Variants in FUT9 observed in about 807,000 individuals in gnomAD.
The protein encoded by FUT9 is 4-galactosyl-N-acetylglucosaminide 3-alpha-L-fucosyltransferase 9.
FUT9 carries 15 observed loss-of-function variants against 29.7 expected under a neutral mutation model. The ratio of observed to expected loss-of-function variants is 0.51; its 90% confidence interval spans 0.34 to 0.78. FUT9 has a LOEUF of 0.78. Among genes scored for constraint, FUT9 ranks in the 30% least tolerant of loss-of-function variants. The probability of loss-of-function intolerance (pLI) is 0.01; values close to 1 mark genes in which losing one functional copy is unlikely to be tolerated. For missense variants in FUT9, 319 were observed against 425.4 expected, an observed-to-expected ratio of 0.75 and a Z score of 2.20; for synonymous variants, 169 against 153.7, an observed-to-expected ratio of 1.10 and a Z score of -0.74.
At chr6:96,106,349 G>A (rs914208122) in intron 1 of FUT9, among the ~76,000 whole-genome samples, 45 of 151,888 alleles carry the variant, frequency 3.0e-4, no homozygotes, top group African/African-American at 1.0e-3. Context: ...TTATCTTGAC[G>A]TCATTTAACA....
intron 2 of FUT9, among the ~76,000 whole-genome samples, chr6:96,133,544 C>T (rs4565310): frequency 0.72 from 109,756 of 151,726 alleles, 41,232 homozygotes; most frequent in East Asian, 0.9. Context: ...ATTATTTAAC[C>T]ACACTAGGTT....
chr6:96,195,843 T>TATTTC (rs1773614838), intron 2 of FUT9, among the ~76,000 whole-genome samples: 1 of 152,172 alleles, frequency 6.6e-6, no homozygotes, highest in African/African-American at 2.4e-5. Context: ...CAGAATCCTG[T>TATTTC]ACTAATACTA....
At chr6:96,196,310 T>G (rs1773623343) in intron 2 of FUT9, among the ~76,000 whole-genome samples, 1 of 152,170 alleles carries the variant, frequency 6.6e-6, no homozygotes, top group Non-Finnish European at 1.5e-5. Flanking sequence ...CCTTCAGAAT[T>G]AAGACTCGAA....
At chr6:96,118,204 CAAAA>C (rs71012538) in intron 2 of FUT9, among the ~76,000 whole-genome samples, 86,985 of 136,828 alleles carry the variant, frequency 0.64, 27,659 homozygotes, top group East Asian at 0.8. Flanking sequence ...GAGTCTGTCT[CAAAA>C]AAAAAAAAAA....
At chr6:96,037,197 A>T (rs1362191976) in intron 1 of FUT9, 1 of 151,992 alleles carries the variant, frequency 6.6e-6, no homozygotes, top group African/African-American at 2.4e-5. Flanking sequence ...GAGGCTTATG[A>T]AGACCTAATT....
At chr6:96,090,644 A>C (rs975500848) in intron 1 of FUT9, among the ~76,000 whole-genome samples, 1 of 151,976 alleles carries the variant, frequency 6.6e-6, no homozygotes, top group African/African-American at 2.4e-5. Flanking sequence ...AAAGCAAAAT[A>C]AACAATATTA....
chr6:96,130,892 C>G (rs1232864641), intron 2 of FUT9, among the ~76,000 whole-genome samples: 1 of 152,150 alleles, frequency 6.6e-6, no homozygotes, highest in Admixed American at 6.6e-5. Context: ...TATTTCTGAA[C>G]TCAAGTTATT....
At chr6:96,101,870 C>T (rs1353887781) in intron 1 of FUT9, among the ~76,000 whole-genome samples, 1 of 150,890 alleles carries the variant, frequency 6.6e-6, no homozygotes. Context: ...TGCACAGGCT[C>T]ATATTCTCCC....
chr6:96,093,776 A>G (rs958324296), intron 1 of FUT9, among the ~76,000 whole-genome samples: 1 of 152,120 alleles, frequency 6.6e-6, no homozygotes, highest in African/African-American at 2.4e-5. Flanking sequence ...AACCTTACAC[A>G]CACCATCTTC....
At chr6:96,102,488 T>G (rs1771604743) in intron 1 of FUT9, among the ~76,000 whole-genome samples, 1 of 152,148 alleles carries the variant, frequency 6.6e-6, no homozygotes, top group South Asian at 2.1e-4. Flanking sequence ...CCAATAAAAT[T>G]TTCATGTCAG....
intron 2 of FUT9, among the ~76,000 whole-genome samples, chr6:96,140,787 C>T (rs1299452804): frequency 1.3e-5 from 2 of 152,194 alleles, no homozygotes; most frequent in African/African-American, 4.8e-5. Flanking sequence ...CCTCCTACTG[C>T]ATCCCCCTCA....
At position 96,214,784 on chromosome 6, in the gene FUT9, T is replaced by C. The variant is rs1316091225; in HGVS notation, c.*10549T>C. Reference sequence around the variant, plus strand: ...TTTACACTGTTGGAAGGTAATTTCATTGCTATGTTATTAAAATGATGGGAA... The same window carrying C: ...TTTACACTGTTGGAAGGTAATTTCACTGCTATGTTATTAAAATGATGGGAA... On this transcript the variant is annotated 3_prime_UTR_variant, in exon 3 of 3. Coordinates refer to ENST00000302103, the MANE Select transcript of FUT9 (RefSeq NM_006581.4). 1.8e-5 allele frequency: 3 copies of C among 166,956 alleles called. No homozygotes were observed. The highest frequency in any genetic ancestry group is 6.6e-5 in the Admixed American group (1 of 15,254). 10.3% of individuals were successfully genotyped at this position (166,956 alleles called of 1,614,324 possible).
chr6:96,152,089 G>T (rs1313966754), intron 2 of FUT9, among the ~76,000 whole-genome samples: 1 of 152,142 alleles, frequency 6.6e-6, no homozygotes, highest in East Asian at 1.9e-4. Context: ...CATAGGGAGA[G>T]ATCAGCATTA....
In FUT9 at chr6:96,203,945, G is replaced by T. The variant is rs767762170; in HGVS notation, c.790G>T (p.Gly264Cys). The T allele has an allele frequency of 6.2e-7, 1 of 1,612,976 alleles. No homozygotes were observed. The highest frequency in any genetic ancestry group is 8.5e-7 in the Non-Finnish European group (1 of 1,179,344). Residue 264 changes from glycine to cysteine, a missense_variant, in exon 3 of 3, where the codon GGC (glycine) becomes TGC (cysteine). Gly to Cys is a radical substitution (Grantham distance 159, BLOSUM62 -3). Transcript: ENST00000302103. ...TEKLYNAFLA[G>C]SVPVVLGPSR... ...AAAGCTATACAATGCTTTTCTGGCT[G>T]GCTCTGTACCTGTTGTTCTGGGACC...
At chr6:96,064,887 G>A (rs1171359251) in intron 1 of FUT9, among the ~76,000 whole-genome samples, 1 of 152,128 alleles carries the variant, frequency 6.6e-6, no homozygotes, top group Admixed American at 6.6e-5. Context: ...CCAAAGCAAT[G>A]AAGAATTATT....
chr6:96,147,775 G>C (rs4371851), intron 2 of FUT9, among the ~76,000 whole-genome samples: 137,699 of 151,032 alleles, frequency 0.91, 64,114 homozygotes, highest in Non-Finnish European at 1. Context: ...TAACACATCA[G>C]TTGATGACAT....
intron 1 of FUT9, among the ~76,000 whole-genome samples, chr6:96,018,043 C>A (rs914268012): frequency 1.3e-5 from 2 of 152,100 alleles, no homozygotes; most frequent in Non-Finnish European, 2.9e-5. Context: ...AGTCCACTGA[C>A]AAGGGGTGGT....
At chr6:96,089,608 A>G (rs1294545510) in intron 1 of FUT9, among the ~76,000 whole-genome samples, 1 of 152,184 alleles carries the variant, frequency 6.6e-6, no homozygotes, top group Admixed American at 6.5e-5. Flanking sequence ...CTGAGTTACT[A>G]ACAGTATACA....
chr6:96,170,663 C>G (rs545147703), intron 2 of FUT9, among the ~76,000 whole-genome samples: 2 of 152,100 alleles, frequency 1.3e-5, no homozygotes, highest in East Asian at 3.9e-4. Context: ...CCTATGATAT[C>G]TTCATAAGTT....
Sources: gnomAD v4.1 joint callset for allele counts (sites outside exome capture counted in the v4.1 genomes callset) on GRCh38, gnomAD v4.1.1 for gene constraint, MANE v1.5 for transcripts, NCBI Gene and HGNC (gene_info 2026-07-23, HGNC 2026-07-21) for gene names.